NXPH1: variants seen among roughly 807,000 people sequenced by gnomAD.
NXPH1 encodes the protein neurexophilin 1, also known as neurexophilin-1.
Under a neutral mutation model 23.7 loss-of-function variants are expected in NXPH1, and 5 were observed. The observed-to-expected ratio is 0.21, with a 90% CI of 0.11 to 0.44. NXPH1 has a LOEUF of 0.44. Ranked by LOEUF, NXPH1 falls within the 20% of genes least tolerant of loss-of-function variation. The pLI is 0.99. For missense variants in NXPH1, 324 were observed against 321.6 expected (o/e 1.01, Z -0.06); for synonymous variants, 144 against 122.2 (o/e 1.18, Z -1.18).
rs527723130 is a variant in NXPH1, at chr7:8,627,396, A to C, written c.55-123612A>C. 9.1e-4 allele frequency among the ~76,000 whole-genome samples: 138 copies of C among 152,286 alleles called. 1 individual carries two copies. The highest frequency in any genetic ancestry group is 3.2e-3 in the African/African-American group (132 of 41,572). ...AATAGGTAATGAAATAAGCCTCTTA[A>C]ATATGCAATGTTCTTCAGTTAATAT... is the stretch of plus-strand genomic sequence containing the variant. On this transcript the variant is annotated intron_variant, in intron 2 of 2. Coordinates refer to ENST00000405863, the MANE Select transcript of NXPH1 (RefSeq NM_152745.3).
chr7:8,535,713 G>T (rs1349496013), intron 2 of NXPH1, among the ~76,000 whole-genome samples: 2 of 151,912 alleles, frequency 1.3e-5, no homozygotes, highest in African/African-American at 4.8e-5. Flanking sequence ...AGTGACTGGG[G>T]TGTTCTTTTA....
chr7:8,743,689 CT>C (rs5882188), intron 2 of NXPH1, among the ~76,000 whole-genome samples: 51 of 141,590 alleles, frequency 3.6e-4, no homozygotes, highest in Non-Finnish European at 3.2e-4. Flanking sequence ...TTTTTCTTTT[CT>C]TTTTTTTTTT....
At chr7:8,490,243 T>G (rs1817226842) in intron 2 of NXPH1, among the ~76,000 whole-genome samples, 1 of 152,054 alleles carries the variant, frequency 6.6e-6, no homozygotes, top group Non-Finnish European at 1.5e-5. Context: ...TGGCAGTAAT[T>G]CAGATTAATT....
intron 2 of NXPH1, among the ~76,000 whole-genome samples, chr7:8,647,079 C>T (rs2349501): frequency 0.7 from 106,377 of 151,998 alleles, 38,123 homozygotes; most frequent in East Asian, 1. Flanking sequence ...CGGACAGACA[C>T]GGATACAGAC....
chr7:8,436,393 C>A (rs560736384), intron 2 of NXPH1, among the ~76,000 whole-genome samples: 2 of 152,268 alleles, frequency 1.3e-5, no homozygotes, highest in East Asian at 3.9e-4. Flanking sequence ...ATAACTAAAT[C>A]CCATCTCCAG....
chr7:8,745,754 G>C (rs935068069), intron 2 of NXPH1, among the ~76,000 whole-genome samples: 3 of 117,486 alleles, frequency 2.6e-5, no homozygotes, highest in Non-Finnish European at 5.1e-5. Context: ...ATTTTTAGTA[G>C]AGACAGGGTG....
intron 2 of NXPH1, among the ~76,000 whole-genome samples, chr7:8,563,182 C>G (rs1818477313): frequency 6.6e-6 from 1 of 151,698 alleles, no homozygotes; most frequent in African/African-American, 2.4e-5. Context: ...AGAAAACTGC[C>G]AGTTCCTGTT....
At chr7:8,538,731 C>A (rs1818066278) in intron 2 of NXPH1, among the ~76,000 whole-genome samples, 1 of 151,856 alleles carries the variant, frequency 6.6e-6, no homozygotes, top group Non-Finnish European at 1.5e-5. Context: ...TGGACATTAC[C>A]ACTCATGGCA....
intron 2 of NXPH1, among the ~76,000 whole-genome samples, chr7:8,490,139 T>C (rs1817225049): frequency 6.6e-6 from 1 of 152,034 alleles, no homozygotes; most frequent in Admixed American, 6.6e-5. Context: ...GCATTCAAAG[T>C]CCACAGTTTT....
intron 2 of NXPH1, among the ~76,000 whole-genome samples, chr7:8,620,404 G>T (rs1819840960): frequency 6.6e-6 from 1 of 152,168 alleles, no homozygotes; most frequent in Non-Finnish European, 1.5e-5. Flanking sequence ...GTGGGCCTCA[G>T]TAAGCCTCTG....
intron 2 of NXPH1, among the ~76,000 whole-genome samples, chr7:8,732,551 CT>C (rs770627646): frequency 7.2e-5 from 11 of 152,194 alleles, no homozygotes; most frequent in Non-Finnish European, 1.2e-4. Flanking sequence ...TCTGTATTTA[CT>C]GACAAAATGA....
chr7:8,433,710 G>A lies in NXPH1; in HGVS notation c.-1156G>A, dbSNP rs1184828214. Among the ~76,000 whole-genome samples, 1 of 151,986 alleles carries A rather than the reference G, an allele frequency of 6.6e-6. No individual in the cohort carries two copies. The highest frequency in any genetic ancestry group is 1.9e-4 in the East Asian group (1 of 5,160). ...GAGGCGCCCGGCGTCGGCGCTCGAG[G>A]CCGGCAGGGGCGCCCTGCACCCTCC... is the stretch of plus-strand genomic sequence containing the variant. On this transcript the variant is annotated 5_prime_UTR_variant, in exon 1 of 3. Transcript: ENST00000405863. This position sits in a 1 kb window ranked among gnomAD's most constrained non-coding sequence, Gnocchi z 6.8.
intron 2 of NXPH1, among the ~76,000 whole-genome samples, chr7:8,703,786 A>G (rs1036961158): frequency 6.6e-6 from 1 of 152,098 alleles, no homozygotes; most frequent in Admixed American, 6.6e-5. Flanking sequence ...GAAAGATTTT[A>G]TTCCTTATTA....
At chr7:8,469,874 A>G (rs139696273) in intron 2 of NXPH1, among the ~76,000 whole-genome samples, 1 of 152,268 alleles carries the variant, frequency 6.6e-6, no homozygotes, top group Non-Finnish European at 1.5e-5. Flanking sequence ...TTTACAGATA[A>G]GGAAACTGAG....
intron 2 of NXPH1, among the ~76,000 whole-genome samples, chr7:8,530,436 G>C (rs928850466): frequency 6.6e-6 from 1 of 152,176 alleles, no homozygotes; most frequent in Non-Finnish European, 1.5e-5. Context: ...GAATGAAGGA[G>C]GTTAGTCTAG....
At chr7:8,738,287 G>A (rs1008922014) in intron 2 of NXPH1, among the ~76,000 whole-genome samples, 15 of 152,162 alleles carry the variant, frequency 9.9e-5, no homozygotes, top group Middle Eastern at 3.2e-3. Flanking sequence ...TTTGATGTTG[G>A]TGACCTTTGG....
At chr7:8,602,616 C>G (rs769544755) in intron 2 of NXPH1, among the ~76,000 whole-genome samples, 1 of 152,142 alleles carries the variant, frequency 6.6e-6, no homozygotes, top group Admixed American at 6.5e-5. Flanking sequence ...CTCAGTCTTT[C>G]CTTAACTCCA....
intron 2 of NXPH1, among the ~76,000 whole-genome samples, chr7:8,619,233 T>C (rs1819811342): frequency 6.6e-6 from 1 of 152,136 alleles, no homozygotes; most frequent in African/African-American, 2.4e-5. Flanking sequence ...TGAAAGAAAT[T>C]AGGTCCTCTG....
intron 2 of NXPH1, among the ~76,000 whole-genome samples, chr7:8,573,933 T>C (rs1265475104): frequency 1.3e-5 from 2 of 152,094 alleles, no homozygotes; most frequent in Non-Finnish European, 2.9e-5. Flanking sequence ...AGGTAAAAAG[T>C]GCTAGGTCAA....
Sources: allele counts gnomAD v4.1 joint callset (sites outside exome capture counted in the v4.1 genomes callset), GRCh38; gene constraint gnomAD v4.1.1; non-coding constraint Gnocchi (gnomAD v3.1); transcripts MANE v1.5; gene names NCBI Gene and HGNC (gene_info 2026-07-23, HGNC 2026-07-21).